The following ZNF331 variants were observed in gnomAD, a reference collection of about 807,000 sequenced individuals.
ZNF331 encodes the protein C2H2-like zinc finger protein rearranged in thyroid adenomas.
ZNF331 carries 2 observed loss-of-function variants against 7.0 expected under a neutral mutation model. The ratio of observed to expected loss-of-function variants is 0.29; its 90% CI spans 0.12 to 0.90. The LOEUF (loss-of-function observed/expected upper bound fraction) is 0.90. ZNF331 is among the 40% of genes least tolerant of loss of function. The pLI is 0.58. For missense variants in ZNF331, 432 were observed against 587.7 expected, an observed-to-expected ratio of 0.74 and a Z score of 2.74; for synonymous variants, 196 against 205.4, an observed-to-expected ratio of 0.95 and a Z score of 0.39.
chr19:53,535,256 A>G (rs2087703760), upstream of ZNF331, among the ~76,000 whole-genome samples: 1 of 151,850 alleles, frequency 6.6e-6, no homozygotes, highest in Non-Finnish European at 1.5e-5. Flanking sequence ...ACATTCAGCT[A>G]ATTTTTGTAT....
rs10422602 is a variant in ZNF331 at position 53,547,464 on chromosome 19, T to C, written c.-138+8182T>C. Among the ~76,000 whole-genome samples, 495 of 152,368 alleles carry C rather than the reference T, an allele frequency of 3.2e-3. 5 individuals are homozygous for C. Among genetic ancestry groups the C allele is most frequent in the African/African-American group, 0.011 (466 of 41,580 alleles). ...ATGTAGGTTGATTCCTTATCTTGGC[T>C]ACTGTGAATAATGCTACTGCAGTGA... On this transcript the variant is annotated intron_variant, in intron 2 of 5. Coordinates refer to ENST00000449416, the MANE Select transcript of ZNF331 (RefSeq NM_001079906.2).
intron 2 of ZNF331, among the ~76,000 whole-genome samples, chr19:53,532,829 G>A (rs976899478): frequency 6.6e-6 from 1 of 151,960 alleles, no homozygotes; most frequent in African/African-American, 2.4e-5. Flanking sequence ...AGTCTCTCAC[G>A]ATTCTTTGTA....
In ZNF331 at chr19:53,531,394, CT is replaced by C. The variant is rs373187430; in HGVS notation, c.-204-7819del. 4.6e-5 allele frequency among the ~76,000 whole-genome samples: 7 copies of C among 152,278 alleles called. No homozygotes were observed. In the East Asian group the frequency reaches 1.4e-3, roughly 29 times the overall value. Reference sequence around the variant, plus strand: ...TCTTCTGAATGTTATTCATGTGCCTCTTTGGCAAACTGTGTAGCTTTTTCTG... The same window carrying C: ...TCTTCTGAATGTTATTCATGTGCCTCTTGGCAAACTGTGTAGCTTTTTCTG... On this transcript the variant is annotated intron_variant, in intron 2 of 6. Transcript: ENST00000253144.
At chr19:53,575,933 C>A (rs753033505) in intron 5 of ZNF331, among the ~76,000 whole-genome samples, 1 of 152,020 alleles carries the variant, frequency 6.6e-6, no homozygotes, top group Non-Finnish European at 1.5e-5. Context: ...CTGCCCACCT[C>A]GGCCTCCCAA....
At chr19:53,536,684 G>A (rs539683885), upstream of ZNF331, among the ~76,000 whole-genome samples, 28 of 152,326 alleles carry the variant, frequency 1.8e-4, no homozygotes, top group South Asian at 8.3e-4. Context: ...CGGATCACCT[G>A]AGGTCGGGAG....
Position 53,577,542 on chromosome 19 carries a change from G to A in ZNF331, c.982G>A (p.Glu328Lys), listed in dbSNP as rs199963956. ...QKIHTGEKPH[E>K]CKECGKAFRW... ...GATCCACACCGGTGAGAAGCCTCAC[G>A]AATGTAAGGAGTGTGGGAAGGCCTT... is the stretch of plus-strand genomic sequence containing the variant. Residue 328 changes from glutamate (E) to lysine (K), a missense_variant, in exon 6 of 6, where the codon GAA (glutamate) becomes AAA (lysine). Physicochemically the swap from Glu to Lys is moderately conservative, Grantham distance 56. This residue lies in a region of ZNF331 where 312 missense variants were observed against 448.6 expected (regional missense o/e 0.70). Coordinates refer to ENST00000449416, the MANE Select transcript of ZNF331 (RefSeq NM_001079906.2). 1.4e-4 allele frequency: 225 copies of A among 1,612,760 alleles called. No individual in the cohort carries two copies. The highest frequency in any genetic ancestry group is 1.9e-4 in the Non-Finnish European group (220 of 1,179,016).
chr19:53,569,063 A>G (rs1379500399), intron 3 of ZNF331, among the ~76,000 whole-genome samples: 2 of 151,906 alleles, frequency 1.3e-5, no homozygotes, highest in Admixed American at 6.6e-5. Context: ...TCACCGTGTT[A>G]GCCAAGATGG....
chr19:53,536,012 C>T (rs926079062), upstream of ZNF331, among the ~76,000 whole-genome samples: 1 of 152,046 alleles, frequency 6.6e-6, no homozygotes, highest in Admixed American at 6.5e-5. Context: ...CCATGTTGCC[C>T]AGGTTGGTCT....
At chr19:53,529,751 G>A (rs1157421592) in intron 2 of ZNF331, among the ~76,000 whole-genome samples, 1 of 152,136 alleles carries the variant, frequency 6.6e-6, no homozygotes, top group Non-Finnish European at 1.5e-5. Context: ...ATATTAGCAC[G>A]AAGAATGAGA....
upstream of ZNF331, among the ~76,000 whole-genome samples, chr19:53,536,799 A>C (rs564433865): frequency 6.6e-6 from 1 of 152,304 alleles, no homozygotes; most frequent in African/African-American, 2.4e-5. Context: ...GCTACTGGGG[A>C]GGCTGACGCA....
At chr19:53,547,494 G>A (rs1055529802) in intron 2 of ZNF331, among the ~76,000 whole-genome samples, 3 of 152,158 alleles carry the variant, frequency 2.0e-5, no homozygotes, top group African/African-American at 4.8e-5. Flanking sequence ...CAGTGAACAC[G>A]GGAGCACAGG....
chr19:53,528,389 G>A (rs2087390231), intron 2 of ZNF331, among the ~76,000 whole-genome samples: 1 of 152,220 alleles, frequency 6.6e-6, no homozygotes. Flanking sequence ...TAAGGGATAT[G>A]TAATGTCAGT....
upstream of ZNF331, among the ~76,000 whole-genome samples, chr19:53,515,778 T>C (rs531976173): frequency 6.6e-6 from 1 of 152,344 alleles, no homozygotes; most frequent in East Asian, 1.9e-4. Flanking sequence ...ATTACAGGCA[T>C]GAGCCACTGT....
chr19:53,561,730 A>G (rs1281534562), intron 3 of ZNF331, among the ~76,000 whole-genome samples: 1 of 152,116 alleles, frequency 6.6e-6, no homozygotes, highest in Admixed American at 6.6e-5. Flanking sequence ...GTGTGTGCCT[A>G]TGGTCCTAGC....
chr19:53,508,166 T>C, the ZNF331 span, among the ~76,000 whole-genome samples: 770 of 152,280 alleles, frequency 5.1e-3, 7 homozygotes, highest in African/African-American at 0.018. Flanking sequence ...CCTGAATCTG[T>C]CTCATGCAGA....
At chr19:53,513,704 T>C in the ZNF331 span, among the ~76,000 whole-genome samples, 1 of 152,146 alleles carries the variant, frequency 6.6e-6, no homozygotes, top group Non-Finnish European at 1.5e-5. Context: ...CAGGCTGGAG[T>C]GCGATGGCAC....
At chr19:53,517,250 C>T (rs1181055448), upstream of ZNF331, among the ~76,000 whole-genome samples, 1 of 152,232 alleles carries the variant, frequency 6.6e-6, no homozygotes, top group Non-Finnish European at 1.5e-5. Flanking sequence ...GCACCCTTGA[C>T]ATAAGTAACT....
intron 3 of ZNF331, 58 bp downstream of exon 3, chr19:53,555,966 C>A (rs1317699581): frequency 6.7e-6 from 1 of 150,066 alleles, no homozygotes; most frequent in South Asian, 2.1e-4. Flanking sequence ...ACTTAGTCGG[C>A]GGGCGCAGTG....
intron 2 of ZNF331, among the ~76,000 whole-genome samples, chr19:53,524,925 T>G (rs2087235522): frequency 6.6e-6 from 1 of 152,230 alleles, no homozygotes; most frequent in Admixed American, 6.5e-5. Context: ...TTAATCCATC[T>G]TGAATTAATT....
Sources: gnomAD v4.1 joint callset for allele counts (sites outside exome capture counted in the v4.1 genomes callset) on GRCh38, gnomAD v4.1.1 for gene constraint, gnomAD v4.1.1 regional missense constraint, MANE v1.5 for transcripts, NCBI Gene and HGNC (gene_info 2026-07-23, HGNC 2026-07-21) for gene names.